DERA: variants seen among roughly 807,000 people sequenced by gnomAD.
DERA encodes the protein deoxyribose-phosphate aldolase, also known as 2-deoxy-D-ribose 5-phosphate aldolase.
Under a neutral mutation model 41.1 loss-of-function variants are expected in DERA, and 15 were observed. The observed-to-expected ratio is 0.37, with a 90% CI of 0.24 to 0.56. The LOEUF is 0.56. Among genes scored for constraint, DERA ranks in the 20% least tolerant of loss-of-function variants. DERA has a pLI of 0.81. For synonymous variants in DERA, 139 were observed against 137.4 expected (o/e 1.01, Z -0.08); for missense variants, 396 against 403.4 (o/e 0.98, Z 0.16).
At position 15,983,369 on chromosome 12, in the gene DERA, TAG is replaced by T. The variant is rs1948744867; in HGVS notation, c.637+936_637+937del. 6.6e-6 allele frequency among the ~76,000 whole-genome samples: 1 copy of T among 152,322 alleles called. No individual in the cohort carries two copies. The highest frequency in any genetic ancestry group is 2.4e-5 in the African/African-American group (1 of 41,582). On this transcript the variant is annotated intron_variant, in intron 6 of 8. Coordinates refer to ENST00000428559, the MANE Select transcript of DERA (RefSeq NM_015954.4). The surrounding 1 kb of genome is among the most constrained non-coding windows in gnomAD (Gnocchi z 6.2). ...CTTCACACCATGTTCTCCAGCCAGG[TAG>T]AGTTACTTGCACTTCTCTGCAGATG...
Position 15,959,998 on chromosome 12 carries a change from G to A in DERA, c.373+74G>A, listed in dbSNP as rs1948571920. The A allele has an allele frequency of 9.0e-7, 1 of 1,107,190 alleles. No homozygotes were observed. Among genetic ancestry groups the A allele is most frequent in the Non-Finnish European group, 1.3e-6 (1 of 759,482 alleles). The allele number at this position is 1,107,190 out of a possible 1,614,324, so 68.6% of individuals were successfully genotyped here. A position where few individuals can be genotyped will look rare whatever the true frequency, so the allele number is the denominator to read the frequency against. ...TTCTTCATACAATGGGGTATTATAT[G>A]TAGGTTTGTACTATGATTTAAATTA... On this transcript the variant is annotated intron_variant, in intron 4 of 8. Transcript: ENST00000428559. This position sits in a 1 kb window ranked among gnomAD's most constrained non-coding sequence, Gnocchi z 4.5.
chr12:15,948,586 G>C (rs890066644), intron 1 of DERA, among the ~76,000 whole-genome samples: 1 of 152,108 alleles, frequency 6.6e-6, no homozygotes, highest in East Asian at 1.9e-4. Flanking sequence ...GGTTATTCTA[G>C]TTAGCAATTC....
chr12:15,953,676 T>G (rs1169799189), intron 1 of DERA, among the ~76,000 whole-genome samples: 1 of 152,176 alleles, frequency 6.6e-6, no homozygotes, highest in Non-Finnish European at 1.5e-5. Context: ...AGAAGATTCT[T>G]TGGTCCTGAT....
In DERA at chr12:16,014,027, C is replaced by G. The variant is rs770254432; in HGVS notation, c.638-18515C>G. Reference sequence around the variant, plus strand: ...ATAAATTTCTAAGCAGAAAAGTGTTCAAGAGGTGACTGGGTGTTCTTAAAA... The same window carrying G: ...ATAAATTTCTAAGCAGAAAAGTGTTGAAGAGGTGACTGGGTGTTCTTAAAA... On this transcript the variant is annotated intron_variant, in intron 6 of 8. Coordinates refer to ENST00000428559, the MANE Select transcript of DERA (RefSeq NM_015954.4). The surrounding 1 kb of genome is among the most constrained non-coding windows in gnomAD (Gnocchi z 5.4). 6.6e-6 allele frequency among the ~76,000 whole-genome samples: 1 copy of G among 152,110 alleles called. No homozygotes were observed. Among genetic ancestry groups the G allele is most frequent in the South Asian group, 2.1e-4 (1 of 4,818 alleles).
chr12:16,022,514 C>T (rs572656243), intron 6 of DERA, among the ~76,000 whole-genome samples: 3 of 152,326 alleles, frequency 2.0e-5, no homozygotes, highest in African/African-American at 7.2e-5. Context: ...TCCCCCCACA[C>T]CTAATCTCTA....
At position 15,970,898 on chromosome 12, in the gene DERA, G is replaced by A. The variant is rs1948655017; in HGVS notation, c.508+7951G>A. Among the ~76,000 whole-genome samples the A allele has an allele frequency of 6.6e-6, 1 of 152,214 alleles. No individual in the cohort carries two copies. Among genetic ancestry groups the A allele is most frequent in the South Asian group, 2.1e-4 (1 of 4,834 alleles). ...TCTGGGGATTACATTCTTCAGGTAAGAAGTGAAAATAGAGAATAAATGGTG... is the reference window on the plus strand; with the variant it reads ...TCTGGGGATTACATTCTTCAGGTAAAAAGTGAAAATAGAGAATAAATGGTG... On this transcript the variant is annotated intron_variant, in intron 5 of 8. Transcript: ENST00000428559. The surrounding 1 kb of genome is among the most constrained non-coding windows in gnomAD (Gnocchi z 4.3).
chr12:15,937,338 G>A (rs1426318460), intron 1 of DERA, among the ~76,000 whole-genome samples: 1 of 152,200 alleles, frequency 6.6e-6, no homozygotes, highest in Non-Finnish European at 1.5e-5. Context: ...CTTCAGAAGC[G>A]ATGCTGTGTA....
At chr12:16,007,949 C>T (rs751914208) in intron 6 of DERA, among the ~76,000 whole-genome samples, 6 of 152,170 alleles carry the variant, frequency 3.9e-5, no homozygotes, top group Non-Finnish European at 5.9e-5. Context: ...CTGCTGTGTT[C>T]AAGCGATTCT....
rs1350886342 is a variant in DERA, at chr12:16,009,594, C to T, written c.638-22948C>T. Among the ~76,000 whole-genome samples, 1 of 152,126 alleles carries T rather than the reference C, an allele frequency of 6.6e-6. No individual in the cohort carries two copies. The highest frequency in any genetic ancestry group is 1.5e-5 in the Non-Finnish European group (1 of 68,014). On this transcript the variant is annotated intron_variant, in intron 6 of 8. Coordinates refer to ENST00000428559, the MANE Select transcript of DERA (RefSeq NM_015954.4). This position sits in a 1 kb window ranked among gnomAD's most constrained non-coding sequence, Gnocchi z 5.3. ...AATGCCTTTTTACTTTGTAGGTTATCATTGTGAATCTCATTTTCCATTTTG... is the reference window on the plus strand; with the variant it reads ...AATGCCTTTTTACTTTGTAGGTTATTATTGTGAATCTCATTTTCCATTTTG...
rs1948166644 is a variant in DERA at position 15,911,872 on chromosome 12, G to C, written c.31+458G>C. On this transcript the variant is annotated intron_variant, in intron 1 of 8. Coordinates refer to ENST00000428559, the MANE Select transcript of DERA (RefSeq NM_015954.4). The surrounding 1 kb of genome is among the most constrained non-coding windows in gnomAD (Gnocchi z 4.5). ...TTGAAGTGGCCGTGCTCGTGGAAAA[G>C]TTGTCAGCCGTCTGTGCTCAAAATG... 1 of 428,446 alleles carries C rather than the reference G, an allele frequency of 2.3e-6. No individual in the cohort carries two copies. The highest frequency in any genetic ancestry group is 2.7e-5 in the Admixed American group (1 of 37,538). 26.5% of individuals were successfully genotyped at this position (428,446 alleles called of 1,614,324 possible).
chr12:15,962,110 G>A (rs1948592342), intron 4 of DERA, among the ~76,000 whole-genome samples: 1 of 152,192 alleles, frequency 6.6e-6, no homozygotes, highest in Non-Finnish European at 1.5e-5. Flanking sequence ...AGTTAATGAT[G>A]TGCATGTAAA....
chr12:16,016,682 C>T lies in DERA; in HGVS notation c.638-15860C>T, dbSNP rs544684322. ...TGCTGTGCACCTGTACTCCCAGCTACGTGGAGGGCTGAGGCAAGAGGATCT... is the reference window on the plus strand; with the variant it reads ...TGCTGTGCACCTGTACTCCCAGCTATGTGGAGGGCTGAGGCAAGAGGATCT... On this transcript the variant is annotated intron_variant, in intron 6 of 8. Transcript: ENST00000428559. 1.3e-4 allele frequency among the ~76,000 whole-genome samples: 20 copies of T among 148,350 alleles called. No homozygotes were observed. The East Asian group carries it at 2.2e-3, about 16-fold the overall frequency.
chr12:15,916,016 C>G (rs1948196299), intron 1 of DERA: 1 of 152,208 alleles, frequency 6.6e-6, no homozygotes, highest in Non-Finnish European at 1.5e-5. Flanking sequence ...AAATAGATAA[C>G]TGGTGAATAC....
Position 15,988,919 on chromosome 12 carries a change from C to T in DERA, c.637+6483C>T, listed in dbSNP as rs1476297459. Among the ~76,000 whole-genome samples, 2 of 152,212 alleles carry T rather than the reference C, an allele frequency of 1.3e-5. No homozygotes were observed. Among genetic ancestry groups the T allele is most frequent in the African/African-American group, 2.4e-5 (1 of 41,468 alleles). On this transcript the variant is annotated intron_variant, in intron 6 of 8. Transcript: ENST00000428559. The surrounding 1 kb of genome is among the most constrained non-coding windows in gnomAD (Gnocchi z 6.0). ...GGGGGCCAAGGCGGTGGGAGGCTGGCGTGTCAGCGCTGCCCTGAATGTGTG... is the reference window on the plus strand; with the variant it reads ...GGGGGCCAAGGCGGTGGGAGGCTGGTGTGTCAGCGCTGCCCTGAATGTGTG...
chr12:15,997,698 A>T (rs1196625078), intron 6 of DERA, among the ~76,000 whole-genome samples: 1 of 152,224 alleles, frequency 6.6e-6, no homozygotes, highest in South Asian at 2.1e-4. Flanking sequence ...CATAAAATCC[A>T]TTGATTGTAT....
chr12:16,025,322 G>A (rs1480901729), intron 6 of DERA, among the ~76,000 whole-genome samples: 1 of 152,110 alleles, frequency 6.6e-6, no homozygotes, highest in Non-Finnish European at 1.5e-5. Flanking sequence ...CACTTTAAAT[G>A]TGAAGACTCA....
At position 15,992,646 on chromosome 12, in the gene DERA, C is replaced by G. The variant is rs1188128133; in HGVS notation, c.637+10210C>G. On this transcript the variant is annotated intron_variant, in intron 6 of 8. Coordinates refer to ENST00000428559, the MANE Select transcript of DERA (RefSeq NM_015954.4). The surrounding 1 kb of genome is among the most constrained non-coding windows in gnomAD (Gnocchi z 4.3). ...AGAGAGCTATACTTTTTTCCTTGAA[C>G]AATCCAAGAACAAGATGATAGGACA... Among the ~76,000 whole-genome samples the G allele has an allele frequency of 1.3e-5, 2 of 152,022 alleles. No homozygotes were observed. Among genetic ancestry groups the G allele is most frequent in the Non-Finnish European group, 2.9e-5 (2 of 67,970 alleles).
chr12:15,962,822 G>T lies in DERA; in HGVS notation c.383G>T (p.Gly128Val). 1 of 1,546,276 alleles carries T rather than the reference G, an allele frequency of 6.5e-7. No individual in the cohort carries two copies. Among genetic ancestry groups the T allele is most frequent in the Non-Finnish European group, 8.7e-7 (1 of 1,144,042 alleles). ...CNIPVASVAAGFPAGQTHLKT... is the reference protein window; with the variant it reads ...CNIPVASVAAVFPAGQTHLKT... ...TTCTTAACTCTATTAGTGGCCGCTGGATTTCCAGCTGGACAGACTCATTTG... is the reference window on the plus strand; with the variant it reads ...TTCTTAACTCTATTAGTGGCCGCTGTATTTCCAGCTGGACAGACTCATTTG... The change falls in exon 5 of 9, where the codon GGA becomes GTA. Residue 128 changes from glycine to valine, a missense_variant. Transcript: ENST00000428559.
Position 15,921,225 on chromosome 12 carries a change from A to G in DERA, c.31+9811A>G, listed in dbSNP as rs1414850831. ...GGGTGACGTAGTGAAGTAAGTGCAT[A>G]TATCTGAAAAGTGCACTGTGTCTGA... On this transcript the variant is annotated intron_variant, in intron 1 of 8. Coordinates refer to ENST00000428559, the MANE Select transcript of DERA (RefSeq NM_015954.4). The surrounding 1 kb of genome is among the most constrained non-coding windows in gnomAD (Gnocchi z 5.3). Among the ~76,000 whole-genome samples the G allele has an allele frequency of 6.6e-6, 1 of 152,162 alleles. No individual in the cohort carries two copies. The highest frequency in any genetic ancestry group is 1.5e-5 in the Non-Finnish European group (1 of 68,022).
Sources: gnomAD v4.1 joint callset for allele counts (sites outside exome capture counted in the v4.1 genomes callset) on GRCh38, gnomAD v4.1.1 for gene constraint, Gnocchi (gnomAD v3.1) non-coding constraint, MANE v1.5 for transcripts, NCBI Gene and HGNC (gene_info 2026-07-23, HGNC 2026-07-21) for gene names.